Variants in SPTB observed in about 807,000 individuals in gnomAD.
SPTB encodes the protein spectrin beta chain, erythrocytic.
In SPTB, 45 loss-of-function variants were observed where a neutral mutation model predicts 256.2. The observed-to-expected ratio is 0.18, with a 90% CI of 0.14 to 0.23. The LOEUF (loss-of-function observed/expected upper bound fraction) is 0.23, where lower values mean the gene tolerates loss of function less well. SPTB is among the 10% of genes least tolerant of loss of function. The pLI is 1.00. For synonymous variants in SPTB, 1,231 were observed against 1,243.1 expected, an observed-to-expected ratio of 0.99 and a Z score of 0.21; for missense variants, 2,715 against 3,040.4, an observed-to-expected ratio of 0.89 and a Z score of 2.52.
intron 31 of SPTB, 122 bp downstream of exon 31, chr14:64,767,181 C>T (rs554702423): frequency 3.8e-5 from 49 of 1,299,992 alleles, no homozygotes; most frequent in South Asian, 3.2e-4. Context: ...GCCTTCCTGA[C>T]GAGGGTGCCC....
chr14:64,822,007 G>A (rs778945134), intron 2 of SPTB, among the ~76,000 whole-genome samples: 3 of 151,920 alleles, frequency 2.0e-5, no homozygotes, highest in Admixed American at 6.6e-5. Flanking sequence ...TGGGGGCAGC[G>A]GGAGAATCAC....
rs2082569159 is a variant in SPTB, at chr14:64,786,385, G to A, written c.3561+19C>T. The A allele has an allele frequency of 6.2e-7, 1 of 1,613,812 alleles. No individual in the cohort carries two copies. Among genetic ancestry groups the A allele is most frequent in the Non-Finnish European group, 8.5e-7 (1 of 1,180,024 alleles). On this transcript the variant is annotated intron_variant, in intron 16 of 35. Transcript: ENST00000644917. This position sits in a 1 kb window ranked among gnomAD's most constrained non-coding sequence, Gnocchi z 5.6. ...TGCCCTGAGAGACCCGCCTGTCCCA[G>A]CCCTGAATGCCTCTCTACCTGGTTG...
intron 1 of SPTB, among the ~76,000 whole-genome samples, chr14:64,830,288 A>G (rs1337907630): frequency 1.3e-5 from 2 of 151,090 alleles, no homozygotes; most frequent in Non-Finnish European, 2.9e-5. Flanking sequence ...TAGGTACTCA[A>G]TAAATATTAT....
Position 64,749,892 on chromosome 14 carries a change from G to T in SPTB, c.6776+89C>A. Reference sequence around the variant, plus strand: ...ACCCCTGAGGAGCAGCTCAGGCCTGGCACTGGTCCCCTACAGAGGGCCTCT... The same window carrying T: ...ACCCCTGAGGAGCAGCTCAGGCCTGTCACTGGTCCCCTACAGAGGGCCTCT... On this transcript the variant is annotated intron_variant, in intron 34 of 35. Coordinates refer to ENST00000644917, the MANE Select transcript of SPTB (RefSeq NM_001355436.2). The surrounding 1 kb of genome is among the most constrained non-coding windows in gnomAD (Gnocchi z 4.7). The T allele has an allele frequency of 1.3e-6, 2 of 1,567,042 alleles. No individual in the cohort carries two copies. The highest frequency in any genetic ancestry group is 8.8e-7 in the Non-Finnish European group (1 of 1,138,068).
intron 31 of SPTB, among the ~76,000 whole-genome samples, chr14:64,767,049 C>T (rs2082196441): frequency 6.6e-6 from 1 of 152,208 alleles, no homozygotes; most frequent in Non-Finnish European, 1.5e-5. Flanking sequence ...GTTCAGGTGG[C>T]TCCGAGGTGG....
intron 2 of SPTB, among the ~76,000 whole-genome samples, chr14:64,808,553 G>A (rs944646259): frequency 2.0e-5 from 3 of 152,094 alleles, no homozygotes; most frequent in African/African-American, 4.8e-5. Flanking sequence ...TACATGGAAC[G>A]GGCTGGCACA....
chr14:64,825,096 G>C lies in SPTB; in HGVS notation c.-51-1951C>G, dbSNP rs1165717745. On this transcript the variant is annotated intron_variant, in intron 1 of 35. Transcript: ENST00000644917. This position sits in a 1 kb window ranked among gnomAD's most constrained non-coding sequence, Gnocchi z 4.8. ...GACTGGAGCACAGTTTATCCCCCTT[G>C]ATCGGACAGGTTTCAGGAGGGCAGC... Among the ~76,000 whole-genome samples, 1 of 150,976 alleles carries C rather than the reference G, an allele frequency of 6.6e-6. No homozygotes were observed.
chr14:64,858,906 T>C (rs1382258441), intron 1 of SPTB, among the ~76,000 whole-genome samples: 2 of 152,170 alleles, frequency 1.3e-5, no homozygotes, highest in Non-Finnish European at 2.9e-5. Flanking sequence ...TCTGTATTAC[T>C]GGTTAGAGCA....
At position 64,801,791 on chromosome 14, in the gene SPTB, C is replaced by T. The variant is rs144388267; in HGVS notation, c.610G>A (p.Asp204Asn). The part of the protein sequence containing the change: ...NVTNFTSSWK[D>N]GLAFNALIHK... ...ATCAGGGCATTAAAGGCCAAGCCATCCTTCCAGCTGGAGGTAAAGTTGGTG... is the reference window on the plus strand; with the variant it reads ...ATCAGGGCATTAAAGGCCAAGCCATTCTTCCAGCTGGAGGTAAAGTTGGTG... Residue 204 changes from aspartate (D) to asparagine (N), a missense_variant, in exon 6 of 36, where the codon GAT (aspartate) becomes AAT (asparagine). Asp to Asn is a conservative substitution (Grantham distance 23, BLOSUM62 1). Transcript: ENST00000644917. 2.7e-4 allele frequency: 441 copies of T among 1,614,212 alleles called. 1 individual carries two copies. Among genetic ancestry groups the T allele is most frequent in the Non-Finnish European group, 3.4e-4 (399 of 1,180,036 alleles).
Position 64,790,785 on chromosome 14 carries a change from G to A in SPTB, c.2804+934C>T, listed in dbSNP as rs1361203717. ...TTGCATGTGCAGGGCCCACGGTAAAGACAGGGAATGCAGGCATTTGCGGTG... is the reference window on the plus strand; with the variant it reads ...TTGCATGTGCAGGGCCCACGGTAAAAACAGGGAATGCAGGCATTTGCGGTG... On this transcript the variant is annotated intron_variant, in intron 15 of 35. Transcript: ENST00000644917. This position sits in a 1 kb window ranked among gnomAD's most constrained non-coding sequence, Gnocchi z 4.8. 5.9e-5 allele frequency among the ~76,000 whole-genome samples: 9 copies of A among 152,244 alleles called. No homozygotes were observed. The highest frequency in any genetic ancestry group is 1.9e-4 in the African/African-American group (8 of 41,466).
intron 1 of SPTB, among the ~76,000 whole-genome samples, chr14:64,861,883 A>G (rs1341683235): frequency 1.3e-5 from 2 of 152,126 alleles, no homozygotes; most frequent in Non-Finnish European, 2.9e-5. Flanking sequence ...CTCAAAGCTG[A>G]ATTTCCACGG....
Position 64,779,988 on chromosome 14 carries a change from T to A in SPTB, c.4267-57A>T. 1 of 1,447,748 alleles carries A rather than the reference T, an allele frequency of 6.9e-7. No individual in the cohort carries two copies. The highest frequency in any genetic ancestry group is 2.3e-5 in the East Asian group (1 of 44,042). 89.7% of individuals were successfully genotyped at this position (1,447,748 alleles called of 1,614,324 possible). ...CCTTGGCACCTGCACAGCCCCTCCA[T>A]CTTCTTCATTCATCTGCATCCCACC... On this transcript the variant is annotated intron_variant, in intron 20 of 35. Transcript: ENST00000644917. The surrounding 1 kb of genome is among the most constrained non-coding windows in gnomAD (Gnocchi z 4.2).
At position 64,792,586 on chromosome 14, in the gene SPTB, G is replaced by A. The variant is rs1396784493; in HGVS notation, c.2666+411C>T. 6.6e-6 allele frequency among the ~76,000 whole-genome samples: 1 copy of A among 152,134 alleles called. No homozygotes were observed. The highest frequency in any genetic ancestry group is 1.9e-4 in the East Asian group (1 of 5,182). On this transcript the variant is annotated intron_variant, in intron 14 of 35. Coordinates refer to ENST00000644917, the MANE Select transcript of SPTB (RefSeq NM_001355436.2). The surrounding 1 kb of genome is among the most constrained non-coding windows in gnomAD (Gnocchi z 4.2). ...GACAGGGGGTTTGCAAATTCTCTCT[G>A]TGGCCCCTCAGAGTCTCCTGGCTTA...
chr14:64,869,420 A>G (rs1034227684), intron 1 of SPTB, among the ~76,000 whole-genome samples: 1 of 151,928 alleles, frequency 6.6e-6, no homozygotes, highest in Non-Finnish European at 1.5e-5. Flanking sequence ...TGGCCACATG[A>G]TTCTTTATTC....
intron 31 of SPTB, 108 bp downstream of exon 31, chr14:64,767,195 G>T: frequency 7.0e-7 from 1 of 1,419,558 alleles, no homozygotes; most frequent in Non-Finnish European, 9.9e-7. Context: ...GGTGCCCAGT[G>T]TGAGAAGTCA....
chr14:64,829,484 C>T (rs2083418655), intron 1 of SPTB, among the ~76,000 whole-genome samples: 1 of 152,120 alleles, frequency 6.6e-6, no homozygotes, highest in Non-Finnish European at 1.5e-5. Flanking sequence ...TGATTGGTAC[C>T]TAGGAATTAG....
chr14:64,763,961 C>G (rs1341728408), intron 32 of SPTB: 3 of 498,276 alleles, frequency 6.0e-6, no homozygotes, highest in African/African-American at 5.8e-5. Context: ...GCTGTCCAGA[C>G]AGGAGCAGGG....
At position 64,816,857 on chromosome 14, in the gene SPTB, C is replaced by A. The variant is rs1373324082; in HGVS notation, c.148+6090G>T. ...ATGGGGCAGGGAGAATGGGTGCTGG[C>A]TTTTCCTGAGAGCCATAAACACAGA... On this transcript the variant is annotated intron_variant, in intron 2 of 35. Coordinates refer to ENST00000644917, the MANE Select transcript of SPTB (RefSeq NM_001355436.2). The surrounding 1 kb of genome is among the most constrained non-coding windows in gnomAD (Gnocchi z 4.2). Among the ~76,000 whole-genome samples, 1 of 152,044 alleles carries A rather than the reference C, an allele frequency of 6.6e-6. No individual in the cohort carries two copies. The highest frequency in any genetic ancestry group is 1.5e-5 in the Non-Finnish European group (1 of 68,026).
intron 19 of SPTB, among the ~76,000 whole-genome samples, chr14:64,782,817 T>TAAAAAA (rs58435859): frequency 3.9e-4 from 48 of 123,082 alleles, no homozygotes; most frequent in African/African-American, 1.4e-3. Flanking sequence ...GTTGATGAGT[T>TAAAAAA]AAAAAAAAAA....
Sources: allele counts gnomAD v4.1 joint callset (sites outside exome capture counted in the v4.1 genomes callset), GRCh38; gene constraint gnomAD v4.1.1; non-coding constraint Gnocchi (gnomAD v3.1); transcripts MANE v1.5; gene names NCBI Gene and HGNC (gene_info 2026-07-23, HGNC 2026-07-21).